Variants in ATP8B4 observed in about 807,000 individuals in gnomAD.
The protein encoded by ATP8B4 is ATPase phospholipid transporting 8B4 (putative), also known as probable phospholipid-transporting ATPase IM.
ATP8B4 carries 133 observed loss-of-function variants against 145.6 expected under a neutral mutation model. The observed-to-expected ratio is 0.91, with a 90% CI of 0.79 to 1.05. ATP8B4 has a LOEUF of 1.05. Ranked by LOEUF, ATP8B4 falls within the 50% of genes least tolerant of loss-of-function variation. The pLI, the probability that ATP8B4 is intolerant of heterozygous loss-of-function variation, is 0.00. For missense variants in ATP8B4, 1,458 were observed against 1,425.2 expected (o/e 1.02, Z -0.37); for synonymous variants, 507 against 492.9 (o/e 1.03, Z -0.38).
intron 5 of ATP8B4, among the ~76,000 whole-genome samples, chr15:50,039,872 A>T (rs1406998048): frequency 6.6e-6 from 1 of 152,274 alleles, no homozygotes. Context: ...AATGACAGGT[A>T]TAAGTTAATA....
intron 25 of ATP8B4, among the ~76,000 whole-genome samples, chr15:49,870,490 T>TA (rs2033522993): frequency 6.6e-6 from 1 of 152,226 alleles, no homozygotes; most frequent in Non-Finnish European, 1.5e-5. Context: ...AGAGACTACT[T>TA]AAATTTGGCC....
intron 1 of ATP8B4, among the ~76,000 whole-genome samples, chr15:50,118,203 T>C (rs1427689963): frequency 3.3e-5 from 5 of 152,174 alleles, no homozygotes; most frequent in African/African-American, 4.8e-5. Flanking sequence ...TATCTCAAAA[T>C]AGCTAGCAGA....
At chr15:49,867,241 G>A (rs754372780) in intron 25 of ATP8B4, among the ~76,000 whole-genome samples, 94 of 152,242 alleles carry the variant, frequency 6.2e-4, no homozygotes, top group Middle Eastern at 3.4e-3. Flanking sequence ...AGTGATCCAC[G>A]TCCAAGTGAA....
rs147864237 is a variant in ATP8B4, at chr15:49,899,920, G to C, written c.2289+1172C>G. 4.6e-3 allele frequency among the ~76,000 whole-genome samples: 707 copies of C among 152,270 alleles called. 3 individuals carry two copies. Among genetic ancestry groups the C allele is most frequent in the South Asian group, 0.012 (59 of 4,818 alleles). On this transcript the variant is annotated intron_variant, in intron 21 of 27. Transcript: ENST00000284509. ...TTACCTCCTTCTTTCAATGCACTTA[G>C]AGACAGAGAGAGAGAATGGTATAAA...
At chr15:49,886,713 C>A (rs1433779408) in intron 23 of ATP8B4, among the ~76,000 whole-genome samples, 1 of 152,210 alleles carries the variant, frequency 6.6e-6, no homozygotes, top group Admixed American at 6.5e-5. Flanking sequence ...AATGTGTTAA[C>A]CTGAGTCCTT....
intron 7 of ATP8B4, 105 bp downstream of exon 7, chr15:50,010,736 ATAAT>A (rs1471734318): frequency 1.5e-6 from 1 of 645,508 alleles, no homozygotes. Context: ...CATACTGATG[ATAAT>A]TATTCTGGAT....
At chr15:50,023,681 G>A (rs553578317) in intron 6 of ATP8B4, among the ~76,000 whole-genome samples, 1 of 147,396 alleles carries the variant, frequency 6.8e-6, no homozygotes, top group Non-Finnish European at 1.5e-5. Flanking sequence ...TCTAAAGACA[G>A]CCACCAAAAC....
chr15:49,977,484 T>C (rs922168077), intron 12 of ATP8B4, among the ~76,000 whole-genome samples: 2 of 152,156 alleles, frequency 1.3e-5, no homozygotes, highest in Non-Finnish European at 2.9e-5. Flanking sequence ...AGGAAAACAC[T>C]GTCCCAACTC....
At chr15:50,148,913 A>G (rs1259104262) in intron 1 of ATP8B4, among the ~76,000 whole-genome samples, 1 of 152,230 alleles carries the variant, frequency 6.6e-6, no homozygotes, top group Non-Finnish European at 1.5e-5. Context: ...TTAGGAATAA[A>G]ATGTTATATT....
chr15:49,900,740 T>G (rs1475674627), intron 21 of ATP8B4, among the ~76,000 whole-genome samples: 1 of 152,166 alleles, frequency 6.6e-6, no homozygotes, highest in Non-Finnish European at 1.5e-5. Context: ...TTATAATACA[T>G]CCACCCAGTT....
chr15:50,026,889 A>G (rs2050048130), intron 6 of ATP8B4, among the ~76,000 whole-genome samples: 1 of 152,174 alleles, frequency 6.6e-6, no homozygotes, highest in African/African-American at 2.4e-5. Flanking sequence ...ACCAGAGCAC[A>G]TAACTGGAGG....
chr15:49,997,627 A>T (rs2047536510), intron 8 of ATP8B4, among the ~76,000 whole-genome samples: 1 of 152,108 alleles, frequency 6.6e-6, no homozygotes, highest in South Asian at 2.1e-4. Flanking sequence ...AGTGGTAGGT[A>T]AAAAAGCAAA....
intron 1 of ATP8B4, among the ~76,000 whole-genome samples, chr15:50,144,668 A>G (rs2044253696): frequency 6.6e-6 from 1 of 152,202 alleles, no homozygotes; most frequent in Non-Finnish European, 1.5e-5. Flanking sequence ...GCCAAACTAT[A>G]TCACAAAGTT....
rs1034952288 is a variant in ATP8B4 at position 49,917,188 on chromosome 15, C to T, written c.2036-149G>A. 8.9e-6 allele frequency: 6 copies of T among 677,180 alleles called. No individual in the cohort carries two copies. In the African/African-American group the frequency reaches 9.0e-5, roughly 10 times the overall value. The allele number at this position is 677,180 out of a possible 1,614,324, so 41.9% of individuals were successfully genotyped here. A position where few individuals can be genotyped will look rare whatever the true frequency, so the allele number is the denominator to read the frequency against. ...AGCACAACAGGTGATAAAATACAAG[C>T]AGTGCAGAGGGAAATTCAAAGACCT... On this transcript the variant is annotated intron_variant, in intron 19 of 27. Coordinates refer to ENST00000284509, the MANE Select transcript of ATP8B4 (RefSeq NM_024837.4).
chr15:49,970,982 T>C (rs1182208336), intron 13 of ATP8B4, among the ~76,000 whole-genome samples: 1 of 152,100 alleles, frequency 6.6e-6, no homozygotes, highest in Non-Finnish European at 1.5e-5. Context: ...CTACAACCCA[T>C]CTGATCCTTG....
At chr15:50,157,771 T>A (rs34595887) in intron 1 of ATP8B4, among the ~76,000 whole-genome samples, 19,321 of 152,150 alleles carry the variant, frequency 0.13, 1,596 homozygotes, top group Non-Finnish European at 0.18. Context: ...GGTCTCCCTC[T>A]CCCTCTCTCT....
At chr15:50,176,058 G>GCAGAGTATATATATATATATACCA (rs1184022131) in intron 1 of ATP8B4, among the ~76,000 whole-genome samples, 433 of 150,264 alleles carry the variant, frequency 2.9e-3, no homozygotes, top group African/African-American at 0.01. Context: ...TATATATACC[G>GCAGAGTATATATATATATATACCA]CAGAGTATAT....
chr15:50,094,253 G>A (rs1338605821), intron 2 of ATP8B4, among the ~76,000 whole-genome samples: 1 of 152,060 alleles, frequency 6.6e-6, no homozygotes, highest in Non-Finnish European at 1.5e-5. Context: ...AGAACAAAAA[G>A]GCTGAGTAGA....
At chr15:50,181,243 G>T (rs72737045) in intron 1 of ATP8B4, among the ~76,000 whole-genome samples, 3,529 of 152,290 alleles carry the variant, frequency 0.023, 49 homozygotes, top group Non-Finnish European at 0.037. Flanking sequence ...AGTAGAGGAT[G>T]AAAATAAAAC....
Sources: allele counts gnomAD v4.1 joint callset (sites outside exome capture counted in the v4.1 genomes callset), GRCh38; gene constraint gnomAD v4.1.1; transcripts MANE v1.5; gene names NCBI Gene and HGNC (gene_info 2026-07-23, HGNC 2026-07-21).